The following PRKAR2B variants were observed in gnomAD, a reference collection of about 807,000 sequenced individuals.
The protein encoded by PRKAR2B is cAMP-dependent protein kinase type II-beta regulatory subunit.
PRKAR2B carries 14 observed loss-of-function variants against 49.9 expected under a neutral mutation model. The observed-to-expected ratio is 0.28, with a 90% confidence interval of 0.19 to 0.44. The LOEUF is 0.44. PRKAR2B is among the 20% of genes least tolerant of loss of function. The probability of loss-of-function intolerance (pLI) is 1.00; values close to 1 mark genes in which losing one functional copy is unlikely to be tolerated. For synonymous variants in PRKAR2B, 196 were observed against 197.7 expected, an observed-to-expected ratio of 0.99 and a Z score of 0.07; for missense variants, 393 against 537.9, an observed-to-expected ratio of 0.73 and a Z score of 2.67.
chr7:107,157,410 G>A (rs1270580947), intron 10 of PRKAR2B, 86 bp downstream of exon 10: 3 of 1,439,188 alleles, frequency 2.1e-6, no homozygotes, highest in Non-Finnish European at 2.8e-6. Flanking sequence ...TCATTTTATT[G>A]GGTTCACAGG....
At chr7:107,081,676 A>G (rs573445651) in intron 2 of PRKAR2B, among the ~76,000 whole-genome samples, 5 of 152,202 alleles carry the variant, frequency 3.3e-5, no homozygotes, top group Non-Finnish European at 7.3e-5. Context: ...CTAAAACCAG[A>G]GAACACTGAT....
chr7:107,144,053 C>CTTAT (rs60565381), intron 5 of PRKAR2B, among the ~76,000 whole-genome samples: 26,864 of 143,150 alleles, frequency 0.19, 2,648 homozygotes, highest in East Asian at 0.28. Flanking sequence ...CAATTCTTTT[C>CTTAT]TTATTTATTT....
intron 2 of PRKAR2B, among the ~76,000 whole-genome samples, chr7:107,121,169 G>C (rs1004682651): frequency 1.3e-4 from 20 of 151,712 alleles, no homozygotes; most frequent in Admixed American, 3.9e-4. Flanking sequence ...AAAGAAACAT[G>C]GTGATAAATG....
chr7:107,107,309 C>T (rs1298284524), intron 2 of PRKAR2B, among the ~76,000 whole-genome samples: 1 of 152,058 alleles, frequency 6.6e-6, no homozygotes, highest in African/African-American at 2.4e-5. Context: ...TGCGCTCCAG[C>T]CTGGGCGACA....
At chr7:107,046,576 G>A (rs1036105373) in intron 1 of PRKAR2B, among the ~76,000 whole-genome samples, 2 of 152,082 alleles carry the variant, frequency 1.3e-5, no homozygotes, top group East Asian at 3.8e-4. Context: ...TTCCCCAAGA[G>A]GATAAACATA....
At chr7:107,148,457 T>C (rs1795930798) in intron 6 of PRKAR2B, among the ~76,000 whole-genome samples, 1 of 152,218 alleles carries the variant, frequency 6.6e-6, no homozygotes, top group Non-Finnish European at 1.5e-5. Context: ...GTTCCTAAGA[T>C]AGGATTAAGC....
At chr7:107,127,583 ACT>A (rs1795520584) in intron 3 of PRKAR2B, among the ~76,000 whole-genome samples, 1 of 151,950 alleles carries the variant, frequency 6.6e-6, no homozygotes, top group Admixed American at 6.6e-5. Context: ...GCCTCCTTGG[ACT>A]CTTTTTCCCT....
Position 107,044,938 on chromosome 7 carries a change from G to A in PRKAR2B, c.31G>A (p.Glu11Lys). Residue 11 changes from glutamate (E) to lysine (K), a missense_variant, in exon 1 of 11, where the codon GAG (glutamate) becomes AAG (lysine). This residue lies in a region of PRKAR2B where 160 missense variants were observed against 147.6 expected (regional missense o/e 1.08). Transcript: ENST00000265717. Reference protein sequence around the residue: MSIEIPAGLTELLQGFTVEVL... With the variant: MSIEIPAGLTKLLQGFTVEVL... ...CATCGAGATCCCGGCGGGACTGACG[G>A]AGCTGCTGCAGGGCTTCACGGTGGA... is the stretch of plus-strand genomic sequence containing the variant. The A allele has an allele frequency of 6.3e-7, 1 of 1,599,608 alleles. No individual in the cohort carries two copies. Among genetic ancestry groups the A allele is most frequent in the Non-Finnish European group, 8.5e-7 (1 of 1,175,316 alleles).
At chr7:107,129,338 C>T (rs1795556186) in intron 4 of PRKAR2B, among the ~76,000 whole-genome samples, 1 of 152,174 alleles carries the variant, frequency 6.6e-6, no homozygotes. Context: ...GTATGTCCAT[C>T]TCTGAGTCTC....
At chr7:107,151,456 C>T (rs1421937192) in intron 7 of PRKAR2B, among the ~76,000 whole-genome samples, 1 of 152,228 alleles carries the variant, frequency 6.6e-6, no homozygotes, top group Non-Finnish European at 1.5e-5. Context: ...TGTCCTTGGC[C>T]TCTTCTCTTT....
At chr7:107,148,035 C>T (rs1795923019) in intron 6 of PRKAR2B, among the ~76,000 whole-genome samples, 1 of 152,120 alleles carries the variant, frequency 6.6e-6, no homozygotes, top group South Asian at 2.1e-4. Context: ...TGTGATGAGT[C>T]ACTTTTTTAA....
chr7:107,100,033 G>A (rs939342418), intron 2 of PRKAR2B, among the ~76,000 whole-genome samples: 21 of 151,996 alleles, frequency 1.4e-4, no homozygotes, highest in African/African-American at 4.8e-4. Flanking sequence ...TCCCTTGTCA[G>A]ATACATGGTT....
At chr7:107,156,064 A>C (rs902535081) in intron 8 of PRKAR2B, among the ~76,000 whole-genome samples, 2 of 152,134 alleles carry the variant, frequency 1.3e-5, no homozygotes, top group Non-Finnish European at 2.9e-5. Flanking sequence ...ATAAGAACAC[A>C]TGGACACAGG....
At chr7:107,157,108 C>A (rs1326736751) in intron 9 of PRKAR2B, 59 bp downstream of exon 9, 2 of 1,607,108 alleles carry the variant, frequency 1.2e-6, no homozygotes, top group East Asian at 4.5e-5. Flanking sequence ...AACAGATCTA[C>A]TTTTTGATGT....
At chr7:107,155,096 G>A (rs964431031) in intron 8 of PRKAR2B, among the ~76,000 whole-genome samples, 1 of 152,196 alleles carries the variant, frequency 6.6e-6, no homozygotes, top group Non-Finnish European at 1.5e-5. Context: ...CACAGGATCC[G>A]CAGACATGTT....
intron 2 of PRKAR2B, among the ~76,000 whole-genome samples, chr7:107,096,105 A>G (rs1794831233): frequency 2.0e-5 from 3 of 152,246 alleles, no homozygotes; most frequent in Admixed American, 2.0e-4. Context: ...TACCTCTGGT[A>G]GAATTTGGCT....
intron 4 of PRKAR2B, among the ~76,000 whole-genome samples, chr7:107,136,194 T>C (rs1047944638): frequency 1.3e-5 from 2 of 152,272 alleles, no homozygotes; most frequent in East Asian, 3.9e-4. Flanking sequence ...ATCACAGATA[T>C]AAATGTAAAA....
chr7:107,158,257 TTAG>T (rs1254277540), intron 10 of PRKAR2B, among the ~76,000 whole-genome samples: 3 of 152,066 alleles, frequency 2.0e-5, no homozygotes, highest in Non-Finnish European at 4.4e-5. Flanking sequence ...TGAAAGTCTA[TTAG>T]AAAGAGTAAA....
chr7:107,100,170 C>G (rs943601311), intron 2 of PRKAR2B, among the ~76,000 whole-genome samples: 1 of 151,786 alleles, frequency 6.6e-6, no homozygotes, highest in African/African-American at 2.4e-5. Context: ...CCTTTAATTC[C>G]TTGTTAGGTG....
Sources: gnomAD v4.1 joint callset for allele counts (sites outside exome capture counted in the v4.1 genomes callset) on GRCh38, gnomAD v4.1.1 for gene constraint, gnomAD v4.1.1 regional missense constraint, MANE v1.5 for transcripts, NCBI Gene and HGNC (gene_info 2026-07-23, HGNC 2026-07-21) for gene names.